PTPRT: variants seen among roughly 807,000 people sequenced by gnomAD.
PTPRT encodes protein tyrosine phosphatase receptor type T.
Under a neutral mutation model 176.8 loss-of-function variants are expected in PTPRT, and 56 were observed. The ratio of observed to expected loss-of-function variants is 0.32; its 90% confidence interval spans 0.26 to 0.40. The LOEUF (loss-of-function observed/expected upper bound fraction) is 0.40. Ranked by LOEUF, PTPRT falls within the 10% of genes least tolerant of loss-of-function variation. PTPRT has a pLI of 1.00. For synonymous variants in PTPRT, 783 were observed against 739.0 expected (o/e 1.06, Z -0.96); for missense variants, 1,540 against 1,908.2 (o/e 0.81, Z 3.60).
intron 11 of PTPRT, among the ~76,000 whole-genome samples, chr20:42,324,983 T>G (rs961783721): frequency 6.6e-6 from 1 of 152,248 alleles, no homozygotes; most frequent in Non-Finnish European, 1.5e-5. Context: ...CTTTTATACA[T>G]TTATTCATCA....
chr20:42,649,673 G>T lies in PTPRT; in HGVS notation c.1153+28193C>A, dbSNP rs1233502735. Among the ~76,000 whole-genome samples the T allele has an allele frequency of 2.0e-5, 3 of 152,132 alleles. No homozygotes were observed. The East Asian group carries it at 5.8e-4, about 29-fold the overall frequency. On this transcript the variant is annotated intron_variant, in intron 7 of 30. Coordinates refer to ENST00000373187, the MANE Select transcript of PTPRT (RefSeq NM_007050.6). ...CCTCATCTCTGGGGAGTATGGGAAG[G>T]TCCTGAAAGAGCCCCTAAGTTATGC...
rs552078544 is a variant in PTPRT, at chr20:42,659,787, C to T, written c.1153+18079G>A. Among the ~76,000 whole-genome samples, 46 of 152,232 alleles carry T rather than the reference C, an allele frequency of 3.0e-4. 1 individual carries two copies. The highest frequency in any genetic ancestry group is 1.1e-3 in the African/African-American group (44 of 41,556). On this transcript the variant is annotated intron_variant, in intron 7 of 30. Coordinates refer to ENST00000373187, the MANE Select transcript of PTPRT (RefSeq NM_007050.6). Reference sequence around the variant, plus strand: ...AGTGTGGGTCAAGTTTAAATGGATTCGCTGCTTAACCTTCAAATAAAAAAA... The same window carrying T: ...AGTGTGGGTCAAGTTTAAATGGATTTGCTGCTTAACCTTCAAATAAAAAAA...
At chr20:42,261,523 T>G (rs2056748788) in intron 13 of PTPRT, among the ~76,000 whole-genome samples, 1 of 151,962 alleles carries the variant, frequency 6.6e-6, no homozygotes, top group Non-Finnish European at 1.5e-5. Flanking sequence ...AGCCTGGGGA[T>G]GGGCTACAAG....
chr20:43,170,198 T>C (rs1393558838), intron 1 of PTPRT, among the ~76,000 whole-genome samples: 1 of 151,956 alleles, frequency 6.6e-6, no homozygotes, highest in Non-Finnish European at 1.5e-5. Flanking sequence ...TTATTTGATA[T>C]ACAGAGGAAA....
chr20:42,996,699 C>T (rs192956288), intron 1 of PTPRT, among the ~76,000 whole-genome samples: 1,741 of 152,274 alleles, frequency 0.011, 45 homozygotes, highest in African/African-American at 0.039. Flanking sequence ...TTATAACCAA[C>T]TTGAATCATT....
intron 22 of PTPRT, among the ~76,000 whole-genome samples, chr20:42,112,746 C>T (rs776695118): frequency 5.3e-5 from 8 of 152,162 alleles, no homozygotes; most frequent in South Asian, 2.1e-4. Context: ...GGCACCCAAA[C>T]GACTGCTGCT....
At chr20:42,897,437 G>A (rs898486137) in intron 1 of PTPRT, among the ~76,000 whole-genome samples, 6 of 152,222 alleles carry the variant, frequency 3.9e-5, no homozygotes, top group African/African-American at 2.4e-5. Flanking sequence ...TGAACTTGCT[G>A]CTGGGTGTCT....
At position 42,352,250 on chromosome 20, in the gene PTPRT, A is replaced by T. The variant is rs759272701; in HGVS notation, c.1596T>A (p.Ser532Arg). ...NYKAVGSLDPSADLSSQRGKV... is the reference protein window; with the variant it reads ...NYKAVGSLDPRADLSSQRGKV... ...TCCCCCTCTGGCTCGAGAGGTCAGC[A>T]CTTGGGTCCAGCGAGCCGACAGCCT... is the stretch of plus-strand genomic sequence containing the variant. The change falls in exon 10 of 31, where the codon AGT (serine) becomes AGA (arginine). Residue 532 changes from serine to arginine, a missense_variant. Around this residue, in one of 11 missense-constraint regions of PTPRT, gnomAD observed 136 missense variants for 135.0 expected, o/e 1.01. Coordinates refer to ENST00000373187, the MANE Select transcript of PTPRT (RefSeq NM_007050.6). The T allele has an allele frequency of 6.8e-6, 11 of 1,614,140 alleles. No individual in the cohort carries two copies. In the East Asian group the frequency reaches 1.6e-4, roughly 23 times the overall value.
At chr20:42,724,743 A>G (rs145623599) in intron 6 of PTPRT, among the ~76,000 whole-genome samples, 1 of 152,152 alleles carries the variant, frequency 6.6e-6, no homozygotes. Flanking sequence ...GGCTGCAGTG[A>G]GCTATCATCC....
intron 11 of PTPRT, among the ~76,000 whole-genome samples, chr20:42,332,031 A>G (rs543337835): frequency 1.3e-5 from 2 of 151,918 alleles, no homozygotes; most frequent in African/African-American, 4.9e-5. Flanking sequence ...ACTTGCTATA[A>G]AAGCAAAAAT....
chr20:42,258,018 T>C (rs963458755), intron 13 of PTPRT, among the ~76,000 whole-genome samples: 3 of 152,124 alleles, frequency 2.0e-5, no homozygotes, highest in Non-Finnish European at 4.4e-5. Flanking sequence ...ATCGTACTAC[T>C]CTGTCACCTC....
intron 2 of PTPRT, among the ~76,000 whole-genome samples, chr20:42,818,954 T>G (rs140401144): frequency 0.014 from 2,012 of 146,744 alleles, 23 homozygotes; most frequent in Non-Finnish European, 0.024. Flanking sequence ...ATGGGGAGAG[T>G]GGAAACAAGC....
At chr20:42,611,887 T>A (rs2073981694) in intron 7 of PTPRT, among the ~76,000 whole-genome samples, 1 of 152,182 alleles carries the variant, frequency 6.6e-6, no homozygotes, top group Non-Finnish European at 1.5e-5. Flanking sequence ...TTGGAGCACA[T>A]GAGGCTCTTG....
intron 5 of PTPRT, among the ~76,000 whole-genome samples, chr20:42,762,694 T>G (rs2076931865): frequency 6.6e-6 from 1 of 152,214 alleles, no homozygotes; most frequent in African/African-American, 2.4e-5. Context: ...AAGCTACATA[T>G]CTATGGAGCT....
chr20:43,086,456 G>T (rs1001070343), intron 1 of PTPRT, among the ~76,000 whole-genome samples: 2 of 152,224 alleles, frequency 1.3e-5, no homozygotes, highest in Admixed American at 6.5e-5. Flanking sequence ...CACGTACTGT[G>T]TTGAATTACT....
chr20:42,544,213 T>A (rs536906301), intron 7 of PTPRT, among the ~76,000 whole-genome samples: 8 of 152,222 alleles, frequency 5.3e-5, no homozygotes, highest in Non-Finnish European at 7.3e-5. Context: ...TTGTCTACAC[T>A]AAAAATCATC....
intron 9 of PTPRT, among the ~76,000 whole-genome samples, chr20:42,380,305 CCAG>C (rs1261897517): frequency 1.3e-5 from 2 of 152,128 alleles, no homozygotes; most frequent in Non-Finnish European, 2.9e-5. Context: ...CCTAAAATGG[CCAG>C]CTTTCTGGCA....
the PTPRT span, among the ~76,000 whole-genome samples, chr20:42,064,220 T>C: frequency 1.3e-5 from 2 of 152,156 alleles, no homozygotes; most frequent in African/African-American, 4.8e-5. Context: ...TGTTTGGTTA[T>C]TCTTGTATGT....
chr20:42,651,684 T>C (rs1314292617), intron 7 of PTPRT, among the ~76,000 whole-genome samples: 1 of 152,156 alleles, frequency 6.6e-6, no homozygotes, highest in African/African-American at 2.4e-5. Flanking sequence ...AGTTTGGGTG[T>C]GCCACTCATT....
Sources: allele counts gnomAD v4.1 joint callset (sites outside exome capture counted in the v4.1 genomes callset), GRCh38; gene constraint gnomAD v4.1.1; regional missense constraint gnomAD v4.1.1; transcripts MANE v1.5; gene names NCBI Gene and HGNC (gene_info 2026-07-23, HGNC 2026-07-21).